Variants in ARHGEF9 observed in about 807,000 individuals in gnomAD.
ARHGEF9 encodes rho guanine nucleotide exchange factor 9.
ARHGEF9 carries 2 observed loss-of-function variants against 41.3 expected under a neutral mutation model. That is an observed-to-expected ratio of 0.05 (90% CI 0.02 to 0.15). The LOEUF is 0.15. ARHGEF9 is among the 10% of genes least tolerant of loss of function. The pLI, the probability that ARHGEF9 is intolerant of heterozygous loss-of-function variation, is 1.00. For synonymous variants in ARHGEF9, 160 were observed against 154.4 expected (o/e 1.04, Z -0.27); for missense variants, 225 against 424.7 (o/e 0.53, Z 4.13).
In ARHGEF9 at chrX:63,691,781, C is replaced by T. The variant is rs1337942158; in HGVS notation, c.582+5344G>A. Among the ~76,000 whole-genome samples, 6 of 111,096 alleles carry T rather than the reference C, an allele frequency of 5.4e-5. No homozygotes were observed. The Admixed American group carries it at 5.8e-4, about 11-fold the overall frequency. On this transcript the variant is annotated intron_variant, in intron 4 of 9. Transcript: ENST00000671741. ...CGAGCAAAAAGAACAAAGCTGGAGG[C>T]ATCACACTACCTAACTTCAAAATAC...
At chrX:63,667,128 A>C (rs2049628173) in intron 6 of ARHGEF9, among the ~76,000 whole-genome samples, 1 of 112,188 alleles carries the variant, frequency 8.9e-6, no homozygotes, top group Non-Finnish European at 1.9e-5. Context: ...ACACAGAAGA[A>C]TTAATATTTC....
intron 2 of ARHGEF9, among the ~76,000 whole-genome samples, chrX:63,714,608 C>T (rs1401011600): frequency 1.8e-5 from 2 of 112,153 alleles, no homozygotes; most frequent in African/African-American, 6.5e-5. Context: ...TTTAAGTTTT[C>T]TGATCCTCAG....
intron 7 of ARHGEF9, among the ~76,000 whole-genome samples, chrX:63,660,814 T>C (rs1219215540): frequency 2.7e-5 from 3 of 112,279 alleles, no homozygotes; most frequent in Non-Finnish European, 5.6e-5. Flanking sequence ...CCCTTCCTTG[T>C]AGATACACTG....
intron 4 of ARHGEF9, among the ~76,000 whole-genome samples, chrX:63,689,440 C>T (rs1269314754): frequency 2.7e-5 from 3 of 111,939 alleles, no homozygotes; most frequent in South Asian, 3.7e-4. Context: ...AATTCAGCTA[C>T]AGGATATAAC....
At chrX:63,679,420 G>T (rs781890192) in intron 4 of ARHGEF9, among the ~76,000 whole-genome samples, 1 of 110,866 alleles carries the variant, frequency 9.0e-6, no homozygotes, top group South Asian at 3.8e-4. Flanking sequence ...CATTAGAATA[G>T]AAAATATTTA....
At chrX:63,647,207 T>C (rs1295456011) in intron 8 of ARHGEF9, among the ~76,000 whole-genome samples, 3 of 111,487 alleles carry the variant, frequency 2.7e-5, no homozygotes, top group Admixed American at 1.9e-4. Flanking sequence ...CTTTTCCTAA[T>C]TGAATACCCT....
intron 1 of ARHGEF9, among the ~76,000 whole-genome samples, chrX:63,756,926 A>G (rs1231534796): frequency 8.9e-6 from 1 of 111,836 alleles, no homozygotes; most frequent in African/African-American, 3.3e-5. Flanking sequence ...TCTTGTGAAT[A>G]GGAAAAAAAA....
At chrX:63,735,054 G>A (rs782300847) in intron 1 of ARHGEF9, among the ~76,000 whole-genome samples, 2 of 111,075 alleles carry the variant, frequency 1.8e-5, no homozygotes, top group East Asian at 5.7e-4. Flanking sequence ...AGCCATGCTC[G>A]TCTTCTTGGA....
At chrX:63,771,767 A>G (rs1377004100) in intron 1 of ARHGEF9, among the ~76,000 whole-genome samples, 3 of 111,186 alleles carry the variant, frequency 2.7e-5, no homozygotes, top group Admixed American at 1.9e-4. Flanking sequence ...GGGTTTCACC[A>G]TGTTGGCCAG....
At chrX:63,694,979 G>T (rs782632340) in intron 4 of ARHGEF9, among the ~76,000 whole-genome samples, 87 of 112,492 alleles carry the variant, frequency 7.7e-4, no homozygotes, top group African/African-American at 2.7e-3. Flanking sequence ...TTTAAGTGGG[G>T]TCTATCCCAG....
chrX:63,659,541 G>GT (rs1353302125), intron 7 of ARHGEF9, among the ~76,000 whole-genome samples: 2 of 111,533 alleles, frequency 1.8e-5, no homozygotes, highest in Non-Finnish European at 3.8e-5. Flanking sequence ...TCTGGGGAAT[G>GT]TAACTGTTCA....
In ARHGEF9 at chrX:63,670,330, T is replaced by C. The variant is rs369234212; in HGVS notation, c.945+3708A>G. 6 of 111,757 alleles carry C rather than the reference T, an allele frequency of 5.4e-5. No homozygotes were observed. The East Asian group carries it at 1.7e-3, about 31-fold the overall frequency. 9.2% of individuals were successfully genotyped at this position (111,757 alleles called of 1,213,427 possible). On this transcript the variant is annotated intron_variant, in intron 6 of 9. Transcript: ENST00000671741. Reference sequence around the variant, plus strand: ...CAAGCCACTTTAGCTTTTAAGTAGATGCTTTTGCTGCCTTCATCATGTTGG... The same window carrying C: ...CAAGCCACTTTAGCTTTTAAGTAGACGCTTTTGCTGCCTTCATCATGTTGG...
chrX:63,734,065 C>A (rs1373115330), intron 1 of ARHGEF9, among the ~76,000 whole-genome samples: 1 of 112,375 alleles, frequency 8.9e-6, no homozygotes, highest in African/African-American at 3.2e-5. Flanking sequence ...CTTGTCTGGA[C>A]CTTAGCAATA....
intron 1 of ARHGEF9, chrX:63,732,038 C>T (rs1231916715): frequency 8.9e-6 from 1 of 111,820 alleles, no homozygotes; most frequent in African/African-American, 3.3e-5. Context: ...GCTTTTACTG[C>T]TTTCTGCTCA....
chrX:63,638,151 G>A lies in ARHGEF9; in HGVS notation c.1449C>T (p.Asn483=). 8.3e-7 allele frequency: 1 copy of A among 1,202,144 alleles called. No homozygotes were observed. Among genetic ancestry groups the A allele is most frequent in the Non-Finnish European group, 1.1e-6 (1 of 890,756 alleles). Residue 483 remains asparagine, a synonymous_variant, in exon 10 of 10, where the codon AAC becomes AAT. Transcript: ENST00000671741. ...CGTCGGGGACCAGGTACTGGCCGTG[G>A]TTTAACGGGTCCTGCGGTGGTGGGT... is the stretch of plus-strand genomic sequence containing the variant. ...PSYPPPQDPL[N]HGQYLVPDGI...
chrX:63,679,833 G>A (rs782422749), intron 4 of ARHGEF9, among the ~76,000 whole-genome samples: 3 of 111,240 alleles, frequency 2.7e-5, no homozygotes, highest in Non-Finnish European at 5.7e-5. Context: ...TGTATATCCC[G>A]GCCAGTGAAA....
At chrX:63,646,593 C>G (rs149334910) in intron 8 of ARHGEF9, among the ~76,000 whole-genome samples, 1,620 of 111,717 alleles carry the variant, frequency 0.015, 27 homozygotes, top group African/African-American at 0.049. Context: ...GTTTATATCT[C>G]TGTTTTGGTA....
intron 4 of ARHGEF9, among the ~76,000 whole-genome samples, chrX:63,688,361 A>G (rs2051118718): frequency 8.9e-6 from 1 of 112,283 alleles, no homozygotes; most frequent in Non-Finnish European, 1.9e-5. Flanking sequence ...TTTGTCTTAC[A>G]TGAACTGCTG....
chrX:63,776,814 C>A (rs782779809), intron 1 of ARHGEF9, among the ~76,000 whole-genome samples: 1 of 111,813 alleles, frequency 8.9e-6, no homozygotes, highest in African/African-American at 3.3e-5. Flanking sequence ...CCAAGCTGTA[C>A]GGCACTTTTA....
Sources: allele counts gnomAD v4.1 joint callset (sites outside exome capture counted in the v4.1 genomes callset), GRCh38; gene constraint gnomAD v4.1.1; transcripts MANE v1.5; gene names NCBI Gene and HGNC (gene_info 2026-07-23, HGNC 2026-07-21).